DPP6: variants seen among roughly 807,000 people sequenced by gnomAD.
DPP6 encodes dipeptidyl peptidase like 6.
A neutral mutation model predicts 122.6 loss-of-function variants in DPP6; 69 were observed. The ratio of observed to expected loss-of-function variants is 0.56; its 90% CI spans 0.46 to 0.69. The LOEUF (loss-of-function observed/expected upper bound fraction) is 0.69. Among genes scored for constraint, DPP6 ranks in the 30% least tolerant of loss-of-function variants. The pLI is 0.00. For synonymous variants in DPP6, 418 were observed against 433.1 expected (o/e 0.97, Z 0.43); for missense variants, 928 against 1,116.9 (o/e 0.83, Z 2.41).
intron 1 of DPP6, among the ~76,000 whole-genome samples, chr7:153,964,822 C>CT (rs371512058): frequency 0.28 from 11,442 of 40,320 alleles, 937 homozygotes; most frequent in African/African-American, 0.32. Context: ...CTTTCCTTTC[C>CT]TTTCCTTTTC....
At chr7:153,759,791 C>T in the DPP6 span, among the ~76,000 whole-genome samples, 1 of 152,046 alleles carries the variant, frequency 6.6e-6, no homozygotes, top group South Asian at 2.1e-4. Context: ...ACATAAAATA[C>T]CTTTAAGTTA....
chr7:154,077,292 T>A (rs1255968838), intron 1 of DPP6, among the ~76,000 whole-genome samples: 1 of 152,234 alleles, frequency 6.6e-6, no homozygotes, highest in Non-Finnish European at 1.5e-5. Context: ...CCATATTCAA[T>A]AATAGACACA....
chr7:154,320,445 A>G (rs888490827), intron 1 of DPP6, among the ~76,000 whole-genome samples: 1 of 151,424 alleles, frequency 6.6e-6, no homozygotes, highest in Non-Finnish European at 1.5e-5. Flanking sequence ...AATCCATATT[A>G]TGAAGAGATA....
the DPP6 span, among the ~76,000 whole-genome samples, chr7:153,832,990 C>A: frequency 5.1e-4 from 77 of 152,300 alleles, no homozygotes; most frequent in East Asian, 0.012. Flanking sequence ...TTGCTTATTT[C>A]TCAATGTGAC....
chr7:154,012,561 A>G (rs936667045), intron 1 of DPP6, among the ~76,000 whole-genome samples: 1 of 152,172 alleles, frequency 6.6e-6, no homozygotes, highest in African/African-American at 2.4e-5. Context: ...TTGCAAATTG[A>G]ATATCTGACA....
chr7:154,506,384 G>A (rs772363317), intron 3 of DPP6, among the ~76,000 whole-genome samples: 7 of 152,076 alleles, frequency 4.6e-5, no homozygotes, highest in Non-Finnish European at 1.0e-4. Context: ...TGTGTCTTTA[G>A]AGGGTGACTA....
At chr7:154,266,070 A>T (rs1803400215) in intron 1 of DPP6, among the ~76,000 whole-genome samples, 1 of 152,122 alleles carries the variant, frequency 6.6e-6, no homozygotes, top group Non-Finnish European at 1.5e-5. Flanking sequence ...ATGCTCCTGG[A>T]GATCTGGTCT....
intron 1 of DPP6, among the ~76,000 whole-genome samples, chr7:154,331,136 T>G (rs1227394107): frequency 6.6e-6 from 1 of 152,184 alleles, no homozygotes; most frequent in Non-Finnish European, 1.5e-5. Context: ...CCTCAGGTAT[T>G]TTAGACCCCA....
chr7:154,463,195 CTTTTTTTTTTTTTT>C (rs368362408), intron 2 of DPP6, among the ~76,000 whole-genome samples: 18,618 of 84,906 alleles, frequency 0.22, 1,757 homozygotes, highest in South Asian at 0.4. Context: ...TTCTCCTTTT[CTTTTTTTTTTTTTT>C]TTTTTTTTTT....
At chr7:154,640,662 C>G (rs773705853) in intron 6 of DPP6, among the ~76,000 whole-genome samples, 1 of 152,148 alleles carries the variant, frequency 6.6e-6, no homozygotes, top group Non-Finnish European at 1.5e-5. Context: ...CACCGGTGTG[C>G]GTGCTCCACC....
chr7:153,832,265 G>T, the DPP6 span, among the ~76,000 whole-genome samples: 1 of 152,014 alleles, frequency 6.6e-6, no homozygotes, highest in African/African-American at 2.4e-5. Flanking sequence ...TCTTCTTCTC[G>T]ATTTAAACGA....
At chr7:154,751,141 G>A (rs534777898) in intron 8 of DPP6, among the ~76,000 whole-genome samples, 1 of 152,318 alleles carries the variant, frequency 6.6e-6, no homozygotes, top group Admixed American at 6.5e-5. Flanking sequence ...TTTACTAGGG[G>A]GCTGGGTTGG....
chr7:154,476,991 A>G (rs1822798065), intron 3 of DPP6, among the ~76,000 whole-genome samples: 1 of 151,860 alleles, frequency 6.6e-6, no homozygotes, highest in Admixed American at 6.6e-5. Flanking sequence ...AGGTGAGAGG[A>G]TGGCTTCAGC....
chr7:153,899,597 A>G (rs1166710066), intron 1 of DPP6, among the ~76,000 whole-genome samples: 5 of 152,234 alleles, frequency 3.3e-5, no homozygotes, highest in African/African-American at 1.2e-4. Flanking sequence ...GAATATCATT[A>G]AAGTTCTCCA....
rs1396721853 is a variant in DPP6 at position 154,568,954 on chromosome 7, G to T, written c.627+2038G>T. On this transcript the variant is annotated intron_variant, in intron 5 of 25. Coordinates refer to ENST00000377770, the MANE Select transcript of DPP6 (RefSeq NM_130797.4). ...ACTGTATACATGACTATTCAAGCAA[G>T]TATTCTCTGTTCTTCTGGAGGAAAA... Among the ~76,000 whole-genome samples, 4 of 152,164 alleles carry T rather than the reference G, an allele frequency of 2.6e-5. No homozygotes were observed. The East Asian group carries it at 7.7e-4, about 29-fold the overall frequency.
At chr7:154,289,502 G>A (rs994289892) in intron 1 of DPP6, among the ~76,000 whole-genome samples, 2 of 152,196 alleles carry the variant, frequency 1.3e-5, no homozygotes, top group Non-Finnish European at 2.9e-5. Context: ...TCAGTGGCTG[G>A]AGATATTTAG....
intron 1 of DPP6, among the ~76,000 whole-genome samples, chr7:153,977,848 T>C (rs1796387846): frequency 6.6e-6 from 1 of 152,138 alleles, no homozygotes; most frequent in South Asian, 2.1e-4. Flanking sequence ...AATGATGGTT[T>C]CCAGCTTCAT....
At chr7:154,001,709 T>C (rs930752079) in intron 1 of DPP6, among the ~76,000 whole-genome samples, 28 of 151,710 alleles carry the variant, frequency 1.8e-4, no homozygotes, top group Non-Finnish European at 3.7e-4. Context: ...GTCATGAAGA[T>C]ACAGTTGGAA....
At chr7:154,074,260 ATT>A (rs1803389634) in intron 1 of DPP6, among the ~76,000 whole-genome samples, 2 of 151,970 alleles carry the variant, frequency 1.3e-5, no homozygotes, top group Non-Finnish European at 2.9e-5. Flanking sequence ...TGAAGATGAT[ATT>A]TTATGTGATC....
Sources: gnomAD v4.1 joint callset for allele counts (sites outside exome capture counted in the v4.1 genomes callset) on GRCh38, gnomAD v4.1.1 for gene constraint, MANE v1.5 for transcripts, NCBI Gene and HGNC (gene_info 2026-07-23, HGNC 2026-07-21) for gene names.